The following CNTN4 variants were observed in gnomAD, a reference collection of about 807,000 sequenced individuals.
CNTN4 encodes contactin 4, also known as contactin-4.
In CNTN4, 77 loss-of-function variants were observed where a neutral mutation model predicts 122.5. The ratio of observed to expected loss-of-function variants is 0.63; its 90% confidence interval spans 0.52 to 0.76. CNTN4 has a LOEUF of 0.76. Among genes scored for constraint, CNTN4 ranks in the 30% least tolerant of loss-of-function variants. The pLI is 0.00. For synonymous variants in CNTN4, 512 were observed against 447.0 expected (o/e 1.15, Z -1.83); for missense variants, 1,256 against 1,259.1 (o/e 1.00, Z 0.04).
intron 3 of CNTN4, among the ~76,000 whole-genome samples, chr3:2,358,642 A>T (rs1292530772): frequency 6.6e-6 from 1 of 152,106 alleles, no homozygotes; most frequent in African/African-American, 2.4e-5. Context: ...TGCTTTTCCT[A>T]TTAGCAGGTA....
Position 2,834,898 on chromosome 3 carries a change from C to CTTTTT in CNTN4, c.454+15337_454+15341dup, listed in dbSNP as rs71058653. 4.3e-3 allele frequency among the ~76,000 whole-genome samples: 262 copies of CTTTTT among 60,466 alleles called. 20 individuals are homozygous for CTTTTT. Among genetic ancestry groups the CTTTTT allele is most frequent in the East Asian group, 0.019 (32 of 1,642 alleles). The allele number at this position is 60,466 out of a possible 152,430, so 39.7% of individuals were successfully genotyped here. On this transcript the variant is annotated intron_variant, in intron 7 of 24. Coordinates refer to ENST00000418658, the MANE Select transcript of CNTN4 (RefSeq NM_175607.3). ...AAGCATTAAATTAGATAAAGGCAACCTTTTTTTTTTTTTTTTTTTTTTTTG... is the reference window on the plus strand; with the variant it reads ...AAGCATTAAATTAGATAAAGGCAACCTTTTTTTTTTTTTTTTTTTTTTTTTTTTTG...
At chr3:2,959,110 A>G (rs1037827041) in intron 13 of CNTN4, among the ~76,000 whole-genome samples, 6 of 152,234 alleles carry the variant, frequency 3.9e-5, no homozygotes, top group Admixed American at 1.3e-4. Context: ...GGTGCTAAGT[A>G]AAATATGTAA....
At chr3:2,625,464 C>G (rs893663089) in intron 4 of CNTN4, among the ~76,000 whole-genome samples, 4 of 152,192 alleles carry the variant, frequency 2.6e-5, no homozygotes, top group Non-Finnish European at 5.9e-5. Context: ...CCAGAATGCT[C>G]CTCTGTGATA....
chr3:2,267,072 A>G (rs1291154754), intron 2 of CNTN4, among the ~76,000 whole-genome samples: 1 of 152,072 alleles, frequency 6.6e-6, no homozygotes, highest in African/African-American at 2.4e-5. Flanking sequence ...TTTTCCTTTC[A>G]AATATGTAAA....
chr3:2,971,630 T>C (rs1329775257), intron 13 of CNTN4, among the ~76,000 whole-genome samples: 3 of 152,056 alleles, frequency 2.0e-5, no homozygotes, highest in Admixed American at 6.6e-5. Flanking sequence ...AGGATCAGAG[T>C]TGAAAATTGT....
chr3:2,291,512 TATG>T (rs2042134228), intron 2 of CNTN4, among the ~76,000 whole-genome samples: 1 of 152,134 alleles, frequency 6.6e-6, no homozygotes, highest in South Asian at 2.1e-4. Flanking sequence ...AATTTTTAAT[TATG>T]ATATTATGAT....
At chr3:2,279,523 C>A (rs749049000) in intron 2 of CNTN4, among the ~76,000 whole-genome samples, 5 of 152,182 alleles carry the variant, frequency 3.3e-5, no homozygotes, top group Non-Finnish European at 5.9e-5. Context: ...CAGACCTGGT[C>A]TCTTCAACAA....
intron 3 of CNTN4, among the ~76,000 whole-genome samples, chr3:2,543,635 A>G (rs2078122126): frequency 6.6e-6 from 1 of 152,114 alleles, no homozygotes; most frequent in South Asian, 2.1e-4. Flanking sequence ...TCATTGCTCC[A>G]TCTCTGCTAC....
chr3:2,844,495 G>A (rs2093421536), intron 7 of CNTN4, among the ~76,000 whole-genome samples: 1 of 152,124 alleles, frequency 6.6e-6, no homozygotes, highest in African/African-American at 2.4e-5. Context: ...TTCCGGTAAG[G>A]ACGCCTCGAT....
At chr3:2,710,894 T>G (rs2087107753) in intron 4 of CNTN4, among the ~76,000 whole-genome samples, 1 of 152,082 alleles carries the variant, frequency 6.6e-6, no homozygotes, top group South Asian at 2.1e-4. Flanking sequence ...TGTCTTCCTT[T>G]TTTAACGTAC....
At chr3:2,590,343 G>T (rs1472869444) in intron 4 of CNTN4, among the ~76,000 whole-genome samples, 4 of 152,000 alleles carry the variant, frequency 2.6e-5, no homozygotes, top group Non-Finnish European at 4.4e-5. Context: ...TGTAACCTAC[G>T]CCTCCTGGGT....
At chr3:2,593,461 C>T (rs1366117948) in intron 4 of CNTN4, among the ~76,000 whole-genome samples, 2 of 152,274 alleles carry the variant, frequency 1.3e-5, no homozygotes, top group Non-Finnish European at 2.9e-5. Context: ...ATGCCACTTA[C>T]CAGTAGCAGA....
At chr3:2,370,819 C>A (rs913052057) in intron 3 of CNTN4, among the ~76,000 whole-genome samples, 1 of 152,048 alleles carries the variant, frequency 6.6e-6, no homozygotes, top group African/African-American at 2.4e-5. Flanking sequence ...TACCAGTTTT[C>A]CAAATTACAT....
chr3:3,009,580 C>T (rs556417194), intron 14 of CNTN4, among the ~76,000 whole-genome samples: 5 of 88,268 alleles, frequency 5.7e-5, no homozygotes, highest in South Asian at 2.7e-4. Flanking sequence ...ACTACAGGCG[C>T]CCGCCACCAC....
In CNTN4 at chr3:3,037,291, C is replaced by T. The variant is rs1699693899; in HGVS notation, c.2055C>T (p.Pro685=). Residue 685 remains proline, a synonymous_variant, in exon 18 of 25, where the codon CCC becomes CCT. Coordinates refer to ENST00000418658, the MANE Select transcript of CNTN4 (RefSeq NM_175607.3). The stretch of plus-strand genomic sequence containing the variant: ...CCAACGTGATTGGGATTGGGGAGCC[C>T]AGCCGCCCCTCAGAGAAACGGAGAA... ...VAANVIGIGE[P]SRPSEKRRTE... 1 of 1,614,046 alleles carries T rather than the reference C, an allele frequency of 6.2e-7. No individual in the cohort carries two copies. Among genetic ancestry groups the T allele is most frequent in the Admixed American group, 1.7e-5 (1 of 60,008 alleles).
intron 2 of CNTN4, among the ~76,000 whole-genome samples, chr3:2,271,527 T>C (rs1391003891): frequency 6.6e-6 from 1 of 152,186 alleles, no homozygotes; most frequent in Non-Finnish European, 1.5e-5. Flanking sequence ...CATAGGTTTA[T>C]TATAAAAAAT....
intron 10 of CNTN4, among the ~76,000 whole-genome samples, chr3:2,893,620 G>C (rs558469964): frequency 6.6e-6 from 1 of 152,078 alleles, no homozygotes; most frequent in African/African-American, 2.4e-5. Context: ...ATTAATACAG[G>C]AGTGGAGGCA....
At chr3:2,819,340 G>C (rs774756622) in intron 6 of CNTN4, 146 bp from the exon 7 acceptor site, 24 of 683,978 alleles carry the variant, frequency 3.5e-5, no homozygotes, top group Non-Finnish European at 5.6e-5. Context: ...AATGTCATAT[G>C]AAAAGAAGCT....
intron 2 of CNTN4, among the ~76,000 whole-genome samples, chr3:2,190,161 C>T (rs6808565): frequency 0.025 from 3,775 of 152,294 alleles, 148 homozygotes; most frequent in African/African-American, 0.087. Context: ...CTTTGCCCTG[C>T]TCAGTCTGTT....
Sources: allele counts gnomAD v4.1 joint callset (sites outside exome capture counted in the v4.1 genomes callset), GRCh38; gene constraint gnomAD v4.1.1; transcripts MANE v1.5; gene names NCBI Gene and HGNC (gene_info 2026-07-23, HGNC 2026-07-21).